The following SDK1 variants were observed in gnomAD, a reference collection of about 807,000 sequenced individuals.
SDK1 encodes sidekick cell adhesion molecule 1, also known as protein sidekick-1.
Under a neutral mutation model 245.5 loss-of-function variants are expected in SDK1, and 157 were observed. The ratio of observed to expected loss-of-function variants is 0.64; its 90% CI spans 0.56 to 0.73. The LOEUF is 0.73. SDK1 is among the 30% of genes least tolerant of loss of function. The pLI, the probability that SDK1 is intolerant of heterozygous loss-of-function variation, is 0.00. For missense variants in SDK1, 3,583 were observed against 3,002.3 expected (o/e 1.19, Z -4.52); for synonymous variants, 1,647 against 1,278.5 (o/e 1.29, Z -6.15).
intron 4 of SDK1, among the ~76,000 whole-genome samples, chr7:3,652,069 G>T (rs1431509805): frequency 6.6e-6 from 1 of 152,190 alleles, no homozygotes; most frequent in East Asian, 1.9e-4. Context: ...TCCGTTTTAT[G>T]TTCTCTAGTT....
At chr7:3,553,258 A>T (rs1779472970) in intron 1 of SDK1, among the ~76,000 whole-genome samples, 1 of 152,184 alleles carries the variant, frequency 6.6e-6, no homozygotes, top group African/African-American at 2.4e-5. Context: ...TCTAGGAGGC[A>T]GTTATTTTCC....
chr7:3,433,854 TG>T (rs1460348549), intron 1 of SDK1, among the ~76,000 whole-genome samples: 2 of 152,224 alleles, frequency 1.3e-5, no homozygotes, highest in Non-Finnish European at 1.5e-5. Context: ...AAGCCGTGGT[TG>T]ACTTCAGAAA....
intron 5 of SDK1, among the ~76,000 whole-genome samples, chr7:3,857,262 G>A (rs559809947): frequency 1.3e-5 from 2 of 152,262 alleles, no homozygotes; most frequent in South Asian, 2.1e-4. Context: ...CACAGTCAGT[G>A]CAGCAGGACA....
intron 4 of SDK1, among the ~76,000 whole-genome samples, chr7:3,754,008 CT>C (rs751174076): frequency 6.6e-6 from 1 of 152,142 alleles, no homozygotes; most frequent in South Asian, 2.1e-4. Context: ...GTCCTCTTGG[CT>C]TTCCATTCAG....
intron 1 of SDK1, among the ~76,000 whole-genome samples, chr7:3,427,346 C>G (rs953996454): frequency 3.9e-5 from 6 of 152,036 alleles, no homozygotes; most frequent in African/African-American, 1.4e-4. Context: ...TGATGAAACC[C>G]TGTCTGTACT....
intron 4 of SDK1, chr7:3,642,968 A>T (rs1051693513): frequency 6.6e-6 from 1 of 152,258 alleles, no homozygotes; most frequent in Non-Finnish European, 1.5e-5. Context: ...CAAAAAGAAT[A>T]TGTGTGAGGT....
chr7:3,870,837 G>A (rs1204662986), intron 5 of SDK1, among the ~76,000 whole-genome samples: 1 of 152,144 alleles, frequency 6.6e-6, no homozygotes, highest in Non-Finnish European at 1.5e-5. Context: ...GTTGCATTTA[G>A]TTGTTTTATG....
intron 38 of SDK1, among the ~76,000 whole-genome samples, chr7:4,211,496 C>T (rs1376090057): frequency 1.3e-5 from 2 of 152,008 alleles, no homozygotes; most frequent in South Asian, 2.1e-4. Flanking sequence ...GGGGTACTGG[C>T]GTGAAGTGGA....
chr7:3,413,635 G>C (rs1304397237), intron 1 of SDK1, among the ~76,000 whole-genome samples: 2 of 151,956 alleles, frequency 1.3e-5, no homozygotes, highest in Admixed American at 6.6e-5. Flanking sequence ...TGGTTGCCTT[G>C]AGCTGAGATC....
intron 13 of SDK1, among the ~76,000 whole-genome samples, chr7:3,980,240 A>T (rs1279302660): frequency 6.6e-6 from 1 of 152,184 alleles, no homozygotes; most frequent in African/African-American, 2.4e-5. Flanking sequence ...AGTCTTTTTC[A>T]AAACTGTTTT....
chr7:3,510,580 G>A (rs1463068280), intron 1 of SDK1, among the ~76,000 whole-genome samples: 1 of 152,148 alleles, frequency 6.6e-6, no homozygotes, highest in African/African-American at 2.4e-5. Context: ...TGAGGTTACA[G>A]AAAGAATACA....
intron 1 of SDK1, among the ~76,000 whole-genome samples, chr7:3,468,802 C>G (rs193165179): frequency 2.5e-4 from 38 of 152,244 alleles, no homozygotes; most frequent in African/African-American, 8.9e-4. Context: ...TCCCTAGTAT[C>G]TTTGGGTCTT....
chr7:4,044,638 T>TC (rs1788885580), intron 17 of SDK1, among the ~76,000 whole-genome samples: 1 of 151,934 alleles, frequency 6.6e-6, no homozygotes, highest in African/African-American at 2.4e-5. Flanking sequence ...AGACAGATTA[T>TC]CTCACCCTGT....
intron 22 of SDK1, among the ~76,000 whole-genome samples, chr7:4,108,169 G>A (rs1783070902): frequency 6.6e-6 from 1 of 152,172 alleles, no homozygotes; most frequent in Admixed American, 6.5e-5. Flanking sequence ...TCAGCATTGT[G>A]CTCCTGGGTC....
chr7:3,564,370 C>T (rs1022350756), intron 1 of SDK1, among the ~76,000 whole-genome samples: 1 of 152,006 alleles, frequency 6.6e-6, no homozygotes, highest in Non-Finnish European at 1.5e-5. Context: ...CACCTGTAGT[C>T]CCAGCTGCTT....
At chr7:3,621,181 C>G (rs1481281119) in intron 2 of SDK1, among the ~76,000 whole-genome samples, 2 of 152,076 alleles carry the variant, frequency 1.3e-5, no homozygotes, top group Non-Finnish European at 2.9e-5. Context: ...TTGTAAGGCT[C>G]AGTTTGTTAG....
At chr7:3,976,016 T>C (rs377218415) in intron 13 of SDK1, among the ~76,000 whole-genome samples, 15 of 1,900 alleles carry the variant, frequency 7.9e-3, no homozygotes, top group African/African-American at 9.7e-3. Flanking sequence ...ACGCAGAGGA[T>C]CCTCCAGAGA....
At chr7:3,497,855 C>T (rs1031492338) in intron 1 of SDK1, among the ~76,000 whole-genome samples, 2 of 152,226 alleles carry the variant, frequency 1.3e-5, no homozygotes, top group South Asian at 4.1e-4. Context: ...AATCCCCTCA[C>T]TGCACATCTT....
At chr7:3,538,986 T>A (rs1406267730) in intron 1 of SDK1, among the ~76,000 whole-genome samples, 1 of 152,236 alleles carries the variant, frequency 6.6e-6, no homozygotes, top group Non-Finnish European at 1.5e-5. Context: ...CTGGCATGTC[T>A]CTTCAATGCA....
Sources: gnomAD v4.1 joint callset for allele counts (sites outside exome capture counted in the v4.1 genomes callset) on GRCh38, gnomAD v4.1.1 for gene constraint, MANE v1.5 for transcripts, NCBI Gene and HGNC (gene_info 2026-07-23, HGNC 2026-07-21) for gene names.